The following ZNF892 variants were observed in gnomAD, a reference collection of about 807,000 sequenced individuals.
ZNF892 encodes the protein zinc finger protein 892.
chr2:95,242,239 G>T, the ZNF892 span, among the ~76,000 whole-genome samples: 1 of 152,182 alleles, frequency 6.6e-6, no homozygotes, highest in Non-Finnish European at 1.5e-5. Flanking sequence ...AGAGCAGCCA[G>T]AGAGAAAGGC....
the ZNF892 span, among the ~76,000 whole-genome samples, chr2:95,250,555 C>T: frequency 1.4e-5 from 2 of 144,064 alleles, no homozygotes; most frequent in East Asian, 2.0e-4. Flanking sequence ...TTAAAATAGT[C>T]ATAAATTATT....
the ZNF892 span, among the ~76,000 whole-genome samples, chr2:95,208,407 A>G: frequency 6.6e-6 from 1 of 152,232 alleles, no homozygotes; most frequent in East Asian, 1.9e-4. Flanking sequence ...CATGCAATAT[A>G]AAAATATGTT....
At chr2:95,261,743 G>A in the ZNF892 span, among the ~76,000 whole-genome samples, 1 of 152,222 alleles carries the variant, frequency 6.6e-6, no homozygotes, top group African/African-American at 2.4e-5. Context: ...GCCTTGCAAG[G>A]AGGTGGGAGG....
At chr2:95,238,449 C>T in the ZNF892 span, among the ~76,000 whole-genome samples, 1 of 152,192 alleles carries the variant, frequency 6.6e-6, no homozygotes, top group African/African-American at 2.4e-5. Context: ...ATTGACAGTG[C>T]ACCTAAACAC....
At chr2:95,223,983 C>T in the ZNF892 span, among the ~76,000 whole-genome samples, 3 of 152,280 alleles carry the variant, frequency 2.0e-5, no homozygotes, top group South Asian at 2.1e-4. Context: ...GCTCAGTGCT[C>T]CTATGAAAGT....
the ZNF892 span, among the ~76,000 whole-genome samples, chr2:95,260,579 C>T: frequency 1.3e-5 from 2 of 152,196 alleles, no homozygotes; most frequent in Non-Finnish European, 2.9e-5. Flanking sequence ...ATTTACACCA[C>T]AGGTCCCCCT....
At chr2:95,210,733 T>TG in the ZNF892 span, among the ~76,000 whole-genome samples, 1 of 152,168 alleles carries the variant, frequency 6.6e-6, no homozygotes, top group African/African-American at 2.4e-5. Context: ...GCTGCTTCAG[T>TG]GAGCAAAAAT....
chr2:95,244,257 T>G, the ZNF892 span, among the ~76,000 whole-genome samples: 62 of 149,426 alleles, frequency 4.1e-4, 2 homozygotes, highest in Non-Finnish European at 1.5e-5. Flanking sequence ...TGTTCACTTG[T>G]TTATCTGCTG....
the ZNF892 span, among the ~76,000 whole-genome samples, chr2:95,229,960 T>A: frequency 7.9e-5 from 12 of 152,202 alleles, no homozygotes; most frequent in African/African-American, 2.9e-4. Flanking sequence ...ATTTTAACCA[T>A]CTGGCTTATG....
chr2:95,210,743 T>C, the ZNF892 span, among the ~76,000 whole-genome samples: 1 of 152,148 alleles, frequency 6.6e-6, no homozygotes, highest in African/African-American at 2.4e-5. Flanking sequence ...TGAGCAAAAA[T>C]AGACCTGGCC....
chr2:95,229,029 A>G, the ZNF892 span, among the ~76,000 whole-genome samples: 1 of 152,012 alleles, frequency 6.6e-6, no homozygotes, highest in Non-Finnish European at 1.5e-5. Flanking sequence ...CTTTTTTTCC[A>G]GTTGTCCCGC....
At chr2:95,219,232 T>G in the ZNF892 span, among the ~76,000 whole-genome samples, 13 of 151,790 alleles carry the variant, frequency 8.6e-5, no homozygotes, top group Non-Finnish European at 1.8e-4. Context: ...GGTCTCGATC[T>G]CCTGACCTCA....
chr2:95,249,078 G>A, the ZNF892 span, among the ~76,000 whole-genome samples: 9 of 151,510 alleles, frequency 5.9e-5, no homozygotes, highest in Non-Finnish European at 1.0e-4. Flanking sequence ...CACAGCATCC[G>A]ACTGCAGACT....
At chr2:95,206,872 T>G in the ZNF892 span, among the ~76,000 whole-genome samples, 1 of 151,040 alleles carries the variant, frequency 6.6e-6, no homozygotes, top group Non-Finnish European at 1.5e-5. Context: ...CTTATTTACA[T>G]GAGAAGCAAG....
chr2:95,215,320 G>A, the ZNF892 span: 7 of 468,534 alleles, frequency 1.5e-5, no homozygotes, highest in East Asian at 9.8e-5. Context: ...TTCAGTGACC[G>A]CTCAGCCCTT....
At chr2:95,257,741 G>C in the ZNF892 span, among the ~76,000 whole-genome samples, 1 of 152,172 alleles carries the variant, frequency 6.6e-6, no homozygotes, top group Non-Finnish European at 1.5e-5. Context: ...CTGCTGCTTT[G>C]TTTACCTACT....
chr2:95,231,710 C>T, the ZNF892 span, among the ~76,000 whole-genome samples: 1 of 152,134 alleles, frequency 6.6e-6, no homozygotes, highest in Non-Finnish European at 1.5e-5. Flanking sequence ...GTTCTCTGTA[C>T]TATTACTGAG....
the ZNF892 span, chr2:95,208,605 G>A: frequency 5.0e-6 from 2 of 398,376 alleles, no homozygotes; most frequent in South Asian, 1.3e-4. Context: ...CTAGTTTATT[G>A]CAAGGACAGA....
the ZNF892 span, among the ~76,000 whole-genome samples, chr2:95,230,033 C>T: frequency 6.6e-6 from 1 of 151,438 alleles, no homozygotes; most frequent in African/African-American, 2.4e-5. Flanking sequence ...ATATATATAC[C>T]ATGGAATAAA....
Sources: gnomAD v4.1 joint callset for allele counts (sites outside exome capture counted in the v4.1 genomes callset) on GRCh38, gnomAD v4.1.1 for gene constraint, MANE v1.5 for transcripts, NCBI Gene and HGNC (gene_info 2026-07-23, HGNC 2026-07-21) for gene names.